The following VAC14 variants were observed in gnomAD, a reference collection of about 807,000 sequenced individuals.
VAC14 encodes protein VAC14 homolog.
A neutral mutation model predicts 85.3 loss-of-function variants in VAC14; 47 were observed. The observed-to-expected ratio is 0.55, with a 90% CI of 0.44 to 0.70. The LOEUF is 0.70. Ranked by LOEUF, VAC14 falls within the 30% of genes least tolerant of loss-of-function variation. The pLI is 0.00. For missense variants in VAC14, 861 were observed against 1,004.3 expected (o/e 0.86, Z 1.93); for synonymous variants, 447 against 430.5 (o/e 1.04, Z -0.47).
chr16:70,744,678 T>G (rs1597923032), intron 12 of VAC14, 99 bp from the exon 13 acceptor site: 1 of 1,427,052 alleles, frequency 7.0e-7, no homozygotes, highest in Admixed American at 2.5e-5. Flanking sequence ...CCTGCAGGGG[T>G]GGGAGGGGTC....
intron 13 of VAC14, among the ~76,000 whole-genome samples, chr16:70,743,368 C>T (rs546139239): frequency 4.6e-5 from 7 of 152,342 alleles, no homozygotes; most frequent in Admixed American, 2.6e-4. Context: ...GCTGGCCACC[C>T]GAGCCAGCAG....
chr16:70,722,445 C>T (rs1459561414), intron 14 of VAC14, among the ~76,000 whole-genome samples: 1 of 152,236 alleles, frequency 6.6e-6, no homozygotes, highest in Non-Finnish European at 1.5e-5. Flanking sequence ...GCAGCAGAAA[C>T]CCTTTTGGGT....
intron 9 of VAC14, among the ~76,000 whole-genome samples, chr16:70,779,884 G>C (rs2033720620): frequency 6.6e-6 from 1 of 151,952 alleles, no homozygotes; most frequent in African/African-American, 2.4e-5. Flanking sequence ...GCCTAGGTTG[G>C]AATACAGTGG....
chr16:70,703,383 C>T (rs577086510), intron 14 of VAC14, among the ~76,000 whole-genome samples: 30 of 150,898 alleles, frequency 2.0e-4, no homozygotes, highest in Admixed American at 1.4e-3. Context: ...TCTTGTACCA[C>T]CCTGGAGACC....
intron 13 of VAC14, among the ~76,000 whole-genome samples, chr16:70,738,445 G>C (rs980074537): frequency 2.6e-5 from 4 of 152,206 alleles, no homozygotes; most frequent in Non-Finnish European, 5.9e-5. Context: ...GATGCAGCAG[G>C]GCCCAGTGGG....
Position 70,762,145 on chromosome 16 carries a change from T to C in VAC14, c.1371+395A>G, listed in dbSNP as rs931768502. On this transcript the variant is annotated intron_variant, in intron 12 of 18. Coordinates refer to ENST00000261776, the MANE Select transcript of VAC14 (RefSeq NM_018052.5). The surrounding 1 kb of genome is among the most constrained non-coding windows in gnomAD (Gnocchi z 4.1). Reference sequence around the variant, plus strand: ...TTTTTTGAGACAGGGTCTCACTCTGTCGCCCAAGCTGGAGTGCAGTGGCAC... The same window carrying C: ...TTTTTTGAGACAGGGTCTCACTCTGCCGCCCAAGCTGGAGTGCAGTGGCAC... Among the ~76,000 whole-genome samples the C allele has an allele frequency of 6.6e-6, 1 of 152,052 alleles. No individual in the cohort carries two copies. Among genetic ancestry groups the C allele is most frequent in the Non-Finnish European group, 1.5e-5 (1 of 68,016 alleles).
intron 13 of VAC14, among the ~76,000 whole-genome samples, chr16:70,742,230 C>T (rs1214899003): frequency 2.6e-5 from 4 of 152,190 alleles, no homozygotes; most frequent in South Asian, 2.1e-4. Flanking sequence ...GAGGGAGAGC[C>T]GAGGGTGCAC....
chr16:70,784,631 T>A (rs528969428), intron 4 of VAC14, 145 bp downstream of exon 4: 1 of 821,022 alleles, frequency 1.2e-6, no homozygotes, highest in Non-Finnish European at 2.0e-6. Context: ...ATTCTTGTCA[T>A]AGAACTGCAC....
At chr16:70,729,853 T>A (rs1292686575) in intron 14 of VAC14, among the ~76,000 whole-genome samples, 1 of 150,472 alleles carries the variant, frequency 6.6e-6, no homozygotes, top group Non-Finnish European at 1.5e-5. Flanking sequence ...TGAATGACTA[T>A]GCCATCAATT....
intron 9 of VAC14, chr16:70,773,318 T>C (rs1468462427): frequency 6.6e-6 from 1 of 152,216 alleles, no homozygotes; most frequent in Admixed American, 6.5e-5. Flanking sequence ...GCCAACTCAA[T>C]ACCTGTCTTA....
chr16:70,766,018 A>C (rs1245892727), intron 10 of VAC14, among the ~76,000 whole-genome samples: 2 of 152,074 alleles, frequency 1.3e-5, no homozygotes, highest in East Asian at 1.9e-4. Flanking sequence ...CTATGGTCCC[A>C]GCCACTCGGG....
chr16:70,713,982 C>T (rs923572002), intron 14 of VAC14: 1 of 152,230 alleles, frequency 6.6e-6, no homozygotes, highest in Non-Finnish European at 1.5e-5. Flanking sequence ...AAAAATGAAA[C>T]GGAGGCTGTG....
At position 70,765,958 on chromosome 16, in the gene VAC14, C is replaced by G. The variant is rs370306810; in HGVS notation, c.1161-2933G>C. On this transcript the variant is annotated intron_variant, in intron 10 of 18. Transcript: ENST00000261776. ...ACCAGCTTGGGCAACACAGCAAGAC[C>G]CTGTCTCTGTGAAAAATTTAAAAAA... Among the ~76,000 whole-genome samples, 260 of 152,072 alleles carry G rather than the reference C, an allele frequency of 1.7e-3. 3 individuals are homozygous for G. Among genetic ancestry groups the G allele is most frequent in the South Asian group, 0.011 (55 of 4,810 alleles).
chr16:70,721,777 C>T (rs748869500), intron 14 of VAC14, among the ~76,000 whole-genome samples: 17 of 152,176 alleles, frequency 1.1e-4, no homozygotes, highest in South Asian at 8.3e-4. Context: ...GCGGATCTGG[C>T]GCTGCTCTGC....
chr16:70,774,001 C>G (rs541696340), intron 9 of VAC14, among the ~76,000 whole-genome samples: 2 of 152,042 alleles, frequency 1.3e-5, no homozygotes, highest in African/African-American at 4.8e-5. Flanking sequence ...TTACAAACTC[C>G]TGGGCTCAAG....
At chr16:70,733,098 T>C (rs756860821) in intron 13 of VAC14, among the ~76,000 whole-genome samples, 2 of 152,368 alleles carry the variant, frequency 1.3e-5, no homozygotes, top group African/African-American at 2.4e-5. Context: ...AACATTTTTA[T>C]CAACTCCCAA....
intron 16 of VAC14, 129 bp from the exon 17 acceptor site, chr16:70,695,752 C>T (rs1382351398): frequency 2.5e-5 from 20 of 810,198 alleles, no homozygotes; most frequent in Non-Finnish European, 3.6e-5. Context: ...CAGGATTTGG[C>T]GCACAAAGGA....
At chr16:70,727,580 C>T (rs781308989) in intron 14 of VAC14, among the ~76,000 whole-genome samples, 10 of 152,288 alleles carry the variant, frequency 6.6e-5, no homozygotes, top group South Asian at 6.2e-4. Context: ...CCTCGTGATC[C>T]GCACACCTCG....
intron 3 of VAC14, among the ~76,000 whole-genome samples, chr16:70,785,334 G>A (rs556041840): frequency 5.5e-4 from 84 of 152,310 alleles, no homozygotes; most frequent in African/African-American, 2.0e-3. Flanking sequence ...GCTTTTTCTA[G>A]GGCACTTATG....
Sources: gnomAD v4.1 joint callset for allele counts (sites outside exome capture counted in the v4.1 genomes callset) on GRCh38, gnomAD v4.1.1 for gene constraint, Gnocchi (gnomAD v3.1) non-coding constraint, MANE v1.5 for transcripts, NCBI Gene and HGNC (gene_info 2026-07-23, HGNC 2026-07-21) for gene names.